ADARB2: variants seen among roughly 807,000 people sequenced by gnomAD.
The protein encoded by ADARB2 is inactive double-stranded RNA-specific editase B2.
Under a neutral mutation model 62.2 loss-of-function variants are expected in ADARB2, and 25 were observed. The observed-to-expected ratio is 0.40, with a 90% CI of 0.29 to 0.56. The LOEUF (loss-of-function observed/expected upper bound fraction) is 0.56. Among genes scored for constraint, ADARB2 ranks in the 20% least tolerant of loss-of-function variants. The pLI is 0.43. For synonymous variants in ADARB2, 572 were observed against 500.8 expected (o/e 1.14, Z -1.90); for missense variants, 1,071 against 1,077.4 (o/e 0.99, Z 0.08).
intron 1 of ADARB2, among the ~76,000 whole-genome samples, chr10:1,515,845 T>C (rs1283416945): frequency 6.6e-6 from 1 of 152,222 alleles, no homozygotes; most frequent in African/African-American, 2.4e-5. Context: ...TGTGAGCAGA[T>C]TTTTCTGATT....
chr10:1,538,413 A>C (rs941473538), intron 1 of ADARB2, among the ~76,000 whole-genome samples: 12 of 152,200 alleles, frequency 7.9e-5, no homozygotes, highest in Non-Finnish European at 1.5e-4. Context: ...CTCAATTTGC[A>C]TTAGACACAG....
chr10:1,616,935 C>T (rs370433400), intron 1 of ADARB2, among the ~76,000 whole-genome samples: 79 of 125,608 alleles, frequency 6.3e-4, no homozygotes, highest in East Asian at 2.7e-3. Context: ...AGACACACTC[C>T]GCACCACCCT....
intron 1 of ADARB2, among the ~76,000 whole-genome samples, chr10:1,645,643 G>A (rs978368911): frequency 3.3e-5 from 5 of 152,092 alleles, no homozygotes; most frequent in Admixed American, 6.5e-5. Flanking sequence ...TCCTCAGACC[G>A]GTTGGAGACT....
At position 1,472,926 on chromosome 10, in the gene ADARB2, G is replaced by A. The variant is rs558735211; in HGVS notation, c.101-93766C>T. ...TCTACGGTAATAGTTGGTCACAGCCGGCACCAGGAAAAAGCATCTCCCAAT... is the reference window on the plus strand; with the variant it reads ...TCTACGGTAATAGTTGGTCACAGCCAGCACCAGGAAAAAGCATCTCCCAAT... On this transcript the variant is annotated intron_variant, in intron 1 of 9. Transcript: ENST00000381312. Among the ~76,000 whole-genome samples, 4 of 152,132 alleles carry A rather than the reference G, an allele frequency of 2.6e-5. No homozygotes were observed. In the East Asian group the frequency reaches 5.8e-4, roughly 22 times the overall value.
chr10:1,646,981 A>G (rs1834051180), intron 1 of ADARB2, among the ~76,000 whole-genome samples: 6 of 152,242 alleles, frequency 3.9e-5, no homozygotes, highest in Admixed American at 2.6e-4. Flanking sequence ...AAAAATGGAA[A>G]GGCCCCACCA....
At position 1,366,366 on chromosome 10, in the gene ADARB2, C is replaced by T. The variant is rs114092160; in HGVS notation, c.188-2449G>A. ...GGAATCTCAGCCATGGATGGCCCCA[C>T]GACCTGCTGGGTCCATACTACCCTC... On this transcript the variant is annotated intron_variant, in intron 2 of 9. Coordinates refer to ENST00000381312, the MANE Select transcript of ADARB2 (RefSeq NM_018702.4). Among the ~76,000 whole-genome samples the T allele has an allele frequency of 1.4e-3, 219 of 152,344 alleles. 1 individual carries two copies. The highest frequency in any genetic ancestry group is 4.8e-3 in the African/African-American group (201 of 41,580).
At chr10:1,579,858 G>A (rs1380357572) in intron 1 of ADARB2, among the ~76,000 whole-genome samples, 1 of 152,158 alleles carries the variant, frequency 6.6e-6, no homozygotes, top group Non-Finnish European at 1.5e-5. Flanking sequence ...GGCCATGGAT[G>A]CCCAGGTGGC....
At chr10:1,393,313 A>T (rs1832586096) in intron 1 of ADARB2, among the ~76,000 whole-genome samples, 1 of 152,260 alleles carries the variant, frequency 6.6e-6, no homozygotes, top group Non-Finnish European at 1.5e-5. Context: ...CAATCATATC[A>T]TGGAAAACGT....
intron 3 of ADARB2, among the ~76,000 whole-genome samples, chr10:1,321,251 C>T (rs1831792463): frequency 6.6e-6 from 1 of 152,228 alleles, no homozygotes; most frequent in Non-Finnish European, 1.5e-5. Context: ...CCTCTTCTCT[C>T]TTGCAGAGAG....
chr10:1,457,661 C>T (rs980130929), intron 1 of ADARB2, among the ~76,000 whole-genome samples: 1 of 152,194 alleles, frequency 6.6e-6, no homozygotes, highest in African/African-American at 2.4e-5. Context: ...CAGGTTCCCA[C>T]AGTGACAGAA....
At chr10:1,574,537 G>T (rs994093603) in intron 1 of ADARB2, among the ~76,000 whole-genome samples, 8 of 152,060 alleles carry the variant, frequency 5.3e-5, no homozygotes, top group Non-Finnish European at 1.2e-4. Context: ...CCAGCGTTTT[G>T]GAGGCTGGGT....
intron 1 of ADARB2, among the ~76,000 whole-genome samples, chr10:1,621,294 A>T (rs1290365966): frequency 1.3e-5 from 2 of 152,252 alleles, no homozygotes; most frequent in Non-Finnish European, 2.9e-5. Context: ...ATTAGTATAA[A>T]CATATCAATC....
At chr10:1,721,053 C>T (rs1390279401) in intron 1 of ADARB2, among the ~76,000 whole-genome samples, 1 of 152,168 alleles carries the variant, frequency 6.6e-6, no homozygotes, top group African/African-American at 2.4e-5. Flanking sequence ...GTTAACATAA[C>T]TGAAAACAAG....
chr10:1,217,004 G>A lies in ADARB2; in HGVS notation c.1629C>T (p.Gly543=), dbSNP rs371274182. Residue 543 remains glycine (G), a synonymous_variant, in exon 7 of 10, where the codon GGC becomes GGT. Transcript: ENST00000381312. ...RGPSAVQTWD[G]VLLGEQLITM... is the part of the protein sequence containing the mutation. ...TGATCAGCTGCTCCCCCAGCAGGAC[G>A]CCGTCCCAGGTCTGCACTGCGCTGG... 21 of 1,610,410 alleles carry A rather than the reference G, an allele frequency of 1.3e-5. No homozygotes were observed. The African/African-American group carries it at 2.0e-4, about 15-fold the overall frequency.
chr10:1,723,838 G>A (rs377556852), intron 1 of ADARB2, among the ~76,000 whole-genome samples: 1 of 152,300 alleles, frequency 6.6e-6, no homozygotes, highest in African/African-American at 2.4e-5. Context: ...AATTCCAAAA[G>A]TATTTCTCAC....
In ADARB2 at chr10:1,318,079, C is replaced by T. The variant is rs141229284; in HGVS notation, c.1077+44949G>A. Among the ~76,000 whole-genome samples, 651 of 152,362 alleles carry T rather than the reference C, an allele frequency of 4.3e-3. 5 individuals are homozygous for T. Among genetic ancestry groups the T allele is most frequent in the South Asian group, 0.019 (94 of 4,830 alleles). ...TGGCCACTCATAAACCTGCATTCTG[C>T]ATAGCTGGGCAATTTAAGATGGTGA... On this transcript the variant is annotated intron_variant, in intron 3 of 9. Transcript: ENST00000381312.
intron 1 of ADARB2, among the ~76,000 whole-genome samples, chr10:1,423,207 T>C (rs1832865772): frequency 2.0e-5 from 3 of 152,236 alleles, no homozygotes; most frequent in Admixed American, 6.5e-5. Context: ...GCTGGAGTCC[T>C]GGCCCGGGCC....
At chr10:1,562,254 C>T (rs1053617616) in intron 1 of ADARB2, among the ~76,000 whole-genome samples, 22 of 151,980 alleles carry the variant, frequency 1.4e-4, no homozygotes, top group African/African-American at 2.2e-4. Context: ...TGAGCGTGTT[C>T]GGCTCATGCT....
chr10:1,195,994 C>A (rs1836905572), intron 8 of ADARB2, among the ~76,000 whole-genome samples: 1 of 152,102 alleles, frequency 6.6e-6, no homozygotes, highest in African/African-American at 2.4e-5. Context: ...GGAGAGGAAG[C>A]CCGCTGCAGC....
Sources: allele counts gnomAD v4.1 joint callset (sites outside exome capture counted in the v4.1 genomes callset), GRCh38; gene constraint gnomAD v4.1.1; transcripts MANE v1.5; gene names NCBI Gene and HGNC (gene_info 2026-07-23, HGNC 2026-07-21).